PDE1A: variants seen among roughly 807,000 people sequenced by gnomAD.
The protein encoded by PDE1A is dual specificity calcium/calmodulin-dependent 3',5'-cyclic nucleotide phosphodiesterase 1A.
Under a neutral mutation model 61.7 loss-of-function variants are expected in PDE1A, and 35 were observed. That is an observed-to-expected ratio of 0.57 (90% CI 0.43 to 0.75). The LOEUF (loss-of-function observed/expected upper bound fraction) is 0.75, where lower values mean the gene tolerates loss of function less well. Ranked by LOEUF, PDE1A falls within the 30% of genes least tolerant of loss-of-function variation. The probability of loss-of-function intolerance (pLI) is 0.00; values close to 1 mark genes in which losing one functional copy is unlikely to be tolerated. For synonymous variants in PDE1A, 232 were observed against 213.2 expected, an observed-to-expected ratio of 1.09 and a Z score of -0.77; for missense variants, 597 against 630.6, an observed-to-expected ratio of 0.95 and a Z score of 0.57.
chr2:182,286,995 A>G (rs1055167361), intron 1 of PDE1A, among the ~76,000 whole-genome samples: 9 of 152,054 alleles, frequency 5.9e-5, no homozygotes, highest in African/African-American at 1.7e-4. Flanking sequence ...AATGTCTTTC[A>G]GTAGGGCATT....
intron 1 of PDE1A, among the ~76,000 whole-genome samples, chr2:182,379,110 T>A (rs1700582734): frequency 6.6e-6 from 1 of 152,222 alleles, no homozygotes; most frequent in Admixed American, 6.5e-5. Flanking sequence ...ATCCCACTGA[T>A]ACCTACTTTC....
the PDE1A span, among the ~76,000 whole-genome samples, chr2:182,621,244 C>T: frequency 2.0e-5 from 3 of 152,292 alleles, no homozygotes; most frequent in Admixed American, 6.5e-5. Context: ...CAGGGCTATC[C>T]ATCCTTCTCT....
At chr2:182,177,843 G>A (rs538884720) in intron 13 of PDE1A, among the ~76,000 whole-genome samples, 5 of 152,002 alleles carry the variant, frequency 3.3e-5, no homozygotes, top group Non-Finnish European at 7.4e-5. Context: ...TTTAATTTGT[G>A]TCACATGATT....
At chr2:182,307,870 C>T (rs1695695905) in intron 1 of PDE1A, among the ~76,000 whole-genome samples, 1 of 152,018 alleles carries the variant, frequency 6.6e-6, no homozygotes, top group Admixed American at 6.6e-5. Flanking sequence ...AAAACAAAAA[C>T]TAAAATTACA....
chr2:182,375,791 C>T (rs1700368412), intron 1 of PDE1A, among the ~76,000 whole-genome samples: 1 of 152,248 alleles, frequency 6.6e-6, no homozygotes, highest in African/African-American at 2.4e-5. Flanking sequence ...TCTGCCTGGG[C>T]ATCCAGGCAT....
chr2:182,659,051 T>C, the PDE1A span, among the ~76,000 whole-genome samples: 1 of 152,156 alleles, frequency 6.6e-6, no homozygotes, highest in East Asian at 1.9e-4. Context: ...TCTGCCTATA[T>C]TACCTATTTA....
the PDE1A span, among the ~76,000 whole-genome samples, chr2:182,651,213 GC>G: frequency 6.6e-6 from 1 of 152,096 alleles, no homozygotes; most frequent in African/African-American, 2.4e-5. Context: ...CACCATGTTG[GC>G]CAGCCTGGTC....
intron 10 of PDE1A, among the ~76,000 whole-genome samples, chr2:182,192,489 T>G (rs1276532982): frequency 6.6e-6 from 1 of 152,078 alleles, no homozygotes; most frequent in Non-Finnish European, 1.5e-5. Flanking sequence ...ATAAAGAGAA[T>G]GTTAGAATCT....
intron 2 of PDE1A, among the ~76,000 whole-genome samples, chr2:182,263,087 CT>C (rs1559268404): frequency 6.6e-6 from 1 of 152,072 alleles, no homozygotes. Flanking sequence ...CTTCCCCAAG[CT>C]TAGGCCTGGG....
intron 1 of PDE1A, among the ~76,000 whole-genome samples, chr2:182,295,085 T>TTTTTTTTTTTTTTG (rs1574276882): frequency 7.4e-6 from 1 of 134,432 alleles, no homozygotes; most frequent in Non-Finnish European, 1.6e-5. Context: ...TTTTTTTTTT[T>TTTTTTTTTTTTTTG]GAGATGGAGT....
intron 2 of PDE1A, among the ~76,000 whole-genome samples, chr2:182,495,831 A>G (rs2125899382): frequency 6.6e-6 from 1 of 152,366 alleles, no homozygotes; most frequent in South Asian, 2.1e-4. Context: ...GATATAAAAG[A>G]AAGAGCAAAA....
chr2:182,574,637 GT>G, the PDE1A span, among the ~76,000 whole-genome samples: 12 of 152,240 alleles, frequency 7.9e-5, no homozygotes, highest in Middle Eastern at 3.4e-3. Context: ...GCACAAACAT[GT>G]TTTTAACAAA....
chr2:182,419,872 G>A (rs1254721542), intron 1 of PDE1A, among the ~76,000 whole-genome samples: 1 of 152,064 alleles, frequency 6.6e-6, no homozygotes, highest in Non-Finnish European at 1.5e-5. Context: ...AGACTTGGGT[G>A]AATTCTTACT....
intron 1 of PDE1A, among the ~76,000 whole-genome samples, chr2:182,355,412 T>G (rs894910592): frequency 3.3e-5 from 5 of 151,806 alleles, no homozygotes; most frequent in Non-Finnish European, 5.9e-5. Context: ...ATTTAAAAAT[T>G]TTAAATTTTA....
intron 2 of PDE1A, among the ~76,000 whole-genome samples, chr2:182,495,038 G>A (rs12474760): frequency 0.36 from 54,353 of 151,890 alleles, 10,488 homozygotes; most frequent in East Asian, 0.6. Context: ...ACTCTGTCGG[G>A]GGTGCTCGGC....
At chr2:182,359,472 G>A (rs1013746764) in intron 1 of PDE1A, among the ~76,000 whole-genome samples, 5 of 152,104 alleles carry the variant, frequency 3.3e-5, no homozygotes, top group African/African-American at 1.2e-4. Context: ...AATGATTTAC[G>A]TAAATGACTT....
At chr2:182,231,526 C>G (rs184216821) in intron 4 of PDE1A, among the ~76,000 whole-genome samples, 1 of 152,078 alleles carries the variant, frequency 6.6e-6, no homozygotes, top group Non-Finnish European at 1.5e-5. Flanking sequence ...AAAATAGTCC[C>G]GGTTTTTCTT....
At chr2:182,354,640 T>C (rs833151) in intron 1 of PDE1A, among the ~76,000 whole-genome samples, 1,543 of 152,198 alleles carry the variant, frequency 0.01, 22 homozygotes, top group African/African-American at 0.034. Context: ...AAAGACCTAT[T>C]TGTGAACAAA....
chr2:182,256,077 AT>A (rs1691782122), intron 2 of PDE1A, among the ~76,000 whole-genome samples: 2 of 54,928 alleles, frequency 3.6e-5, no homozygotes, highest in Non-Finnish European at 7.9e-5. Flanking sequence ...TTTTTCTTTT[AT>A]TTTTCTTTCT....
Sources: gnomAD v4.1 joint callset for allele counts (sites outside exome capture counted in the v4.1 genomes callset) on GRCh38, gnomAD v4.1.1 for gene constraint, MANE v1.5 for transcripts, NCBI Gene and HGNC (gene_info 2026-07-23, HGNC 2026-07-21) for gene names.